Variants in IFIH1 observed in about 807,000 individuals in gnomAD.
The protein encoded by IFIH1 is interferon-induced helicase C domain-containing protein 1.
Under a neutral mutation model 107.4 loss-of-function variants are expected in IFIH1, and 125 were observed. The observed-to-expected ratio is 1.16, with a 90% CI of 1.01 to 1.35. The LOEUF is 1.35. Among genes scored for constraint, IFIH1 ranks in the 40% most tolerant of loss-of-function variants. The pLI, the probability that IFIH1 is intolerant of heterozygous loss-of-function variation, is 0.00. For missense variants in IFIH1, 1,333 were observed against 1,213.7 expected, an observed-to-expected ratio of 1.10 and a Z score of -1.46; for synonymous variants, 458 against 413.2, an observed-to-expected ratio of 1.11 and a Z score of -1.31.
chr2:162,270,402 T>G (rs532925551), intron 13 of IFIH1, among the ~76,000 whole-genome samples: 35 of 152,324 alleles, frequency 2.3e-4, no homozygotes, highest in African/African-American at 8.2e-4. Flanking sequence ...CTGAAGATTG[T>G]GTTGAGAAAG....
chr2:162,282,622 A>T, intron 5 of IFIH1, 46 bp from the exon 6 acceptor site: 1 of 1,310,226 alleles, frequency 7.6e-7, no homozygotes, highest in Non-Finnish European at 1.1e-6. Flanking sequence ...AGTTAGTCGA[A>T]GCCAAAAGAG....
At chr2:162,305,613 AAAT>A (rs1683268769) in intron 3 of IFIH1, among the ~76,000 whole-genome samples, 1 of 152,124 alleles carries the variant, frequency 6.6e-6, no homozygotes, top group South Asian at 2.1e-4. Context: ...AAAAAAATAA[AAAT>A]AATAAACTTT....
At chr2:162,314,472 CTTTCTTTCTTTCTT>C (rs1683449258) in intron 1 of IFIH1, among the ~76,000 whole-genome samples, 1 of 118,972 alleles carries the variant, frequency 8.4e-6, no homozygotes, top group African/African-American at 3.8e-5. Context: ...TTCTTTCTTT[CTTTCTTTCTTTCTT>C]TTTCTTTCTC....
chr2:162,294,959 C>T (rs1683059944), intron 3 of IFIH1, among the ~76,000 whole-genome samples: 1 of 151,774 alleles, frequency 6.6e-6, no homozygotes, highest in Non-Finnish European at 1.5e-5. Context: ...CAAATATTTC[C>T]TTTTTCCTTA....
chr2:162,280,072 T>C lies in IFIH1; in HGVS notation c.1565A>G (p.Lys522Arg). 2 of 1,608,668 alleles carry C rather than the reference T, an allele frequency of 1.2e-6. No individual in the cohort carries two copies. The highest frequency in any genetic ancestry group is 1.7e-6 in the Non-Finnish European group (2 of 1,175,702). ...NLDAFTIKTV[K>R]ENLDQLKNQI... ...GTTTTTCAGTTGATCAAGGTTTTCT[T>C]TAACAGTTTTAATAGTAAATGCATC... Residue 522 changes from lysine to arginine, a missense_variant, in exon 8 of 16, where the codon AAA (lysine) becomes AGA (arginine). By Grantham distance (26) the Lys-to-Arg change is conservative (BLOSUM62 2). Coordinates refer to ENST00000649979, the MANE Select transcript of IFIH1 (RefSeq NM_022168.4).
rs56835671 is a variant in IFIH1 at position 162,317,016 on chromosome 2, G to GGTGTGTGT, written c.453+831_453+838dup. ...GTTGAAACTTTGATTAAAGAAAAAG[G>GGTGTGTGT]GTGTGTGTGTGTGTGTGTGTGTGTG... On this transcript the variant is annotated intron_variant, in intron 1 of 15. Transcript: ENST00000649979. 3.1e-4 allele frequency among the ~76,000 whole-genome samples: 45 copies of GGTGTGTGT among 144,022 alleles called. 1 individual carries two copies. In the East Asian group the frequency reaches 4.5e-3, roughly 14 times the overall value. The allele number at this position is 144,022 out of a possible 152,430, so 94.5% of individuals were successfully genotyped here.
In IFIH1 at chr2:162,289,210, G is replaced by A. The variant is rs1025601220; in HGVS notation, c.875-855C>T. ...ATTCCAACTTTTTCTAAAATCCAAA[G>A]TATAATATATTAAAAATATTTTCAA... On this transcript the variant is annotated intron_variant, in intron 4 of 15. Transcript: ENST00000649979. Among the ~76,000 whole-genome samples, 210 of 151,370 alleles carry A rather than the reference G, an allele frequency of 1.4e-3. 1 individual carries two copies. Among genetic ancestry groups the A allele is most frequent in the African/African-American group, 4.7e-3 (196 of 41,320 alleles).
chr2:162,285,011 C>T (rs1192115548), intron 5 of IFIH1, among the ~76,000 whole-genome samples: 1 of 151,952 alleles, frequency 6.6e-6, no homozygotes, highest in Non-Finnish European at 1.5e-5. Flanking sequence ...AATCCTGATA[C>T]TCGCTCTGGG....
At chr2:162,304,631 C>T (rs1401397692) in intron 3 of IFIH1, among the ~76,000 whole-genome samples, 1 of 151,980 alleles carries the variant, frequency 6.6e-6, no homozygotes, top group East Asian at 1.9e-4. Context: ...GATGAATACC[C>T]TAATAGAAAA....
intron 3 of IFIH1, among the ~76,000 whole-genome samples, chr2:162,295,878 T>TG (rs1683076873): frequency 1.3e-5 from 2 of 151,890 alleles, no homozygotes; most frequent in Admixed American, 1.3e-4. Flanking sequence ...TAAAATGAGA[T>TG]GGGGAAAATG....
rs35337543 is a variant in IFIH1 at position 162,279,995 on chromosome 2, C to G, written c.1641+1G>C. On this transcript the variant is annotated splice_donor_variant, in intron 8 of 15. Transcript: ENST00000649979. LOFTEE classifies it high-confidence loss of function. ...ATAGATATAAAACATTAAGCCCATA[C>G]TTCTCTGGTTGCATCTGCAATGGCA... 16,284 of 1,511,626 alleles carry G rather than the reference C, an allele frequency of 0.011. 122 individuals carry two copies. Among genetic ancestry groups the G allele is most frequent in the Non-Finnish European group, 0.014 (14,710 of 1,087,452 alleles). 93.6% of individuals were successfully genotyped at this position (1,511,626 alleles called of 1,614,324 possible).
rs1558875029 is a variant in IFIH1, at chr2:162,306,761, G to GC, written c.716dup (p.Met240HisfsTer4). On this transcript the variant is annotated frameshift_variant, in exon 3 of 16. Coordinates refer to ENST00000649979, the MANE Select transcript of IFIH1 (RefSeq NM_022168.4). LOFTEE classifies it high-confidence loss of function. ...ATGATTCTGATGAGTTATTCTCCAT[G>GC]CCCCAGACCTCCTTCTCCAGATTTG... 1 of 1,613,868 alleles carries GC rather than the reference G, an allele frequency of 6.2e-7. No individual in the cohort carries two copies. The highest frequency in any genetic ancestry group is 8.5e-7 in the Non-Finnish European group (1 of 1,179,844).
chr2:162,279,619 C>A (rs1263384494), intron 8 of IFIH1, among the ~76,000 whole-genome samples: 4 of 151,932 alleles, frequency 2.6e-5, no homozygotes, highest in Admixed American at 6.6e-5. Context: ...TTGATAGCAA[C>A]AAAATGGCTC....
At chr2:162,288,967 T>C (rs979763104) in intron 4 of IFIH1, among the ~76,000 whole-genome samples, 2 of 148,174 alleles carry the variant, frequency 1.3e-5, no homozygotes, top group African/African-American at 5.0e-5. Flanking sequence ...AGACACCCTA[T>C]CTATCTCAAG....
At chr2:162,297,586 C>T (rs996654148) in intron 3 of IFIH1, among the ~76,000 whole-genome samples, 1 of 152,056 alleles carries the variant, frequency 6.6e-6, no homozygotes, top group Non-Finnish European at 1.5e-5. Flanking sequence ...TTTAAATTCT[C>T]ATTAAAAGGG....
intron 5 of IFIH1, among the ~76,000 whole-genome samples, chr2:162,286,233 A>ATGC (rs1212714047): frequency 6.6e-6 from 1 of 152,020 alleles, no homozygotes; most frequent in Non-Finnish European, 1.5e-5. Context: ...GAGCCACATG[A>ATGC]TGCTGCCTTG....
At position 162,282,365 on chromosome 2, in the gene IFIH1, C is replaced by A. The variant is rs1002771119; in HGVS notation, c.1306+1G>T. The A allele has an allele frequency of 6.3e-7, 1 of 1,598,798 alleles. No individual in the cohort carries two copies. Among genetic ancestry groups the A allele is most frequent in the Admixed American group, 1.7e-5 (1 of 59,492 alleles). On this transcript the variant is annotated splice_donor_variant, in intron 6 of 15. Transcript: ENST00000649979. LOFTEE classifies it high-confidence loss of function. ...TTAAAAAAATAAACACTTAAACTGA[C>A]CTGACAATTGAACACCAGCATCTTC...
At chr2:162,276,594 G>C in intron 11 of IFIH1, 93 bp downstream of exon 11, 1 of 1,363,654 alleles carries the variant, frequency 7.3e-7, no homozygotes, top group Non-Finnish European at 1.0e-6. Flanking sequence ...GACAGAGCGA[G>C]GCCTCGTCTG....
At position 162,272,761 on chromosome 2, in the gene IFIH1, A is replaced by G. The variant is rs963312774; in HGVS notation, c.2455-374T>C. ...AGGAAGCTGGGAGGAATGAATGGAG[A>G]GAAGGGTCATCTCTGACCTTGACAC... On this transcript the variant is annotated intron_variant, in intron 12 of 15. Transcript: ENST00000649979. Among the ~76,000 whole-genome samples, 98 of 152,120 alleles carry G rather than the reference A, an allele frequency of 6.4e-4. 1 individual carries two copies. The highest frequency in any genetic ancestry group is 1.5e-4 in the Non-Finnish European group (10 of 68,022).
Sources: gnomAD v4.1 joint callset for allele counts (sites outside exome capture counted in the v4.1 genomes callset) on GRCh38, gnomAD v4.1.1 for gene constraint, MANE v1.5 for transcripts, NCBI Gene and HGNC (gene_info 2026-07-23, HGNC 2026-07-21) for gene names.